DPP6: variants seen among roughly 807,000 people sequenced by gnomAD.
The protein encoded by DPP6 is A-type potassium channel modulatory protein DPP6.
A neutral mutation model predicts 122.6 loss-of-function variants in DPP6; 69 were observed. The observed-to-expected ratio is 0.56, with a 90% CI of 0.46 to 0.69. DPP6 has a LOEUF of 0.69. Among genes scored for constraint, DPP6 ranks in the 30% least tolerant of loss-of-function variants. DPP6 has a pLI of 0.00. For missense variants in DPP6, 928 were observed against 1,116.9 expected (o/e 0.83, Z 2.41); for synonymous variants, 418 against 433.1 (o/e 0.97, Z 0.43).
At chr7:154,365,957 CAA>C (rs35516153) in intron 1 of DPP6, among the ~76,000 whole-genome samples, 9 of 75,918 alleles carry the variant, frequency 1.2e-4, no homozygotes, top group East Asian at 4.3e-4. Context: ...GACTCCGTCT[CAA>C]AAAAAAAAAA....
At chr7:154,179,301 G>A (rs1797961582) in intron 1 of DPP6, among the ~76,000 whole-genome samples, 1 of 152,174 alleles carries the variant, frequency 6.6e-6, no homozygotes, top group East Asian at 1.9e-4. Flanking sequence ...GCTACATGCA[G>A]AACAAAGGAC....
chr7:153,966,753 C>A lies in DPP6; in HGVS notation c.51+79019C>A, dbSNP rs544250887. Among the ~76,000 whole-genome samples, 3 of 151,716 alleles carry A rather than the reference C, an allele frequency of 2.0e-5. No individual in the cohort carries two copies. In the East Asian group the frequency reaches 5.8e-4, roughly 30 times the overall value. ...AGAAGTATGGAACAAAATGACAAGCCTCATTTACCTTAAAATAAGAAATCT... is the reference window on the plus strand; with the variant it reads ...AGAAGTATGGAACAAAATGACAAGCATCATTTACCTTAAAATAAGAAATCT... On this transcript the variant is annotated intron_variant, in intron 1 of 25. Transcript: ENST00000404039.
intron 1 of DPP6, among the ~76,000 whole-genome samples, chr7:154,318,100 A>C (rs1019011802): frequency 6.6e-6 from 1 of 152,212 alleles, no homozygotes; most frequent in East Asian, 1.9e-4. Context: ...GAGAATTCCT[A>C]ATTACACTGG....
intron 7 of DPP6, among the ~76,000 whole-genome samples, chr7:154,689,228 C>A (rs1300333858): frequency 6.6e-6 from 1 of 152,172 alleles, no homozygotes; most frequent in Non-Finnish European, 1.5e-5. Flanking sequence ...GCTGTAGATT[C>A]ATTTGGGAAT....
chr7:154,216,691 G>A (rs62484082), intron 1 of DPP6, among the ~76,000 whole-genome samples: 9,845 of 152,102 alleles, frequency 0.065, 629 homozygotes, highest in African/African-American at 0.16. Flanking sequence ...AGCTCCCCAG[G>A]CACTGAGTCC....
intron 4 of DPP6, among the ~76,000 whole-genome samples, chr7:154,561,573 A>AAT (rs1451392052): frequency 6.6e-6 from 1 of 152,242 alleles, no homozygotes. Context: ...TACGGTATGC[A>AAT]ACAAAGCAAT....
chr7:153,867,563 G>A, the DPP6 span, among the ~76,000 whole-genome samples: 3 of 152,164 alleles, frequency 2.0e-5, no homozygotes, highest in Non-Finnish European at 4.4e-5. Flanking sequence ...GAGACAATGG[G>A]GTTTTCTAGA....
Position 154,493,683 on chromosome 7 carries a change from T to G in DPP6, c.457+18646T>G, listed in dbSNP as rs192987665. Among the ~76,000 whole-genome samples the G allele has an allele frequency of 3.9e-3, 593 of 152,360 alleles. 3 individuals are homozygous for G. Among genetic ancestry groups the G allele is most frequent in the African/African-American group, 0.013 (557 of 41,590 alleles). ...AATGCCTGTAATCATTCATTTATATTGTTGCCTTGTTATTTGGCTTTCGTG... is the reference window on the plus strand; with the variant it reads ...AATGCCTGTAATCATTCATTTATATGGTTGCCTTGTTATTTGGCTTTCGTG... On this transcript the variant is annotated intron_variant, in intron 3 of 25. Transcript: ENST00000377770.
At chr7:154,200,901 T>C (rs1466222302) in intron 1 of DPP6, among the ~76,000 whole-genome samples, 1 of 152,116 alleles carries the variant, frequency 6.6e-6, no homozygotes, top group Non-Finnish European at 1.5e-5. Context: ...TGGTCCTCAA[T>C]ATAAGATTAG....
chr7:153,802,374 A>G, the DPP6 span, among the ~76,000 whole-genome samples: 11 of 152,182 alleles, frequency 7.2e-5, no homozygotes, highest in Non-Finnish European at 1.5e-4. Context: ...CTTGAGCTTT[A>G]TTTAAGGGGC....
At chr7:154,739,421 G>A (rs764997827) in intron 8 of DPP6, among the ~76,000 whole-genome samples, 27 of 152,156 alleles carry the variant, frequency 1.8e-4, no homozygotes, top group Non-Finnish European at 7.4e-5. Flanking sequence ...CTGAGGGGAC[G>A]CCAGGGGTCC....
intron 6 of DPP6, among the ~76,000 whole-genome samples, chr7:154,655,429 T>TG (rs1020518322): frequency 6.6e-6 from 1 of 151,826 alleles, no homozygotes. Context: ...CCTTCATCAT[T>TG]TTTTTTTAAC....
Position 154,403,195 on chromosome 7 carries a change from C to T in DPP6, c.244-43019C>T, listed in dbSNP as rs533068993. Among the ~76,000 whole-genome samples, 1 of 152,282 alleles carries T rather than the reference C, an allele frequency of 6.6e-6. No homozygotes were observed. The highest frequency in any genetic ancestry group is 2.4e-5 in the African/African-American group (1 of 41,560). ...CGTTAGTTCCCTGGACTCAGCAGGT[C>T]GCCACCGTGAGGCCCCAGCATTTGG... On this transcript the variant is annotated intron_variant, in intron 1 of 25. Transcript: ENST00000377770. This position sits in a 1 kb window ranked among gnomAD's most constrained non-coding sequence, Gnocchi z 4.1.
intron 1 of DPP6, among the ~76,000 whole-genome samples, chr7:154,152,920 T>TA: frequency 6.6e-6 from 1 of 152,354 alleles, no homozygotes; most frequent in South Asian, 2.1e-4. Flanking sequence ...AACTCCCTGT[T>TA]ACGTACATAA....
chr7:153,955,239 C>G (rs753057696), intron 1 of DPP6, among the ~76,000 whole-genome samples: 2 of 152,016 alleles, frequency 1.3e-5, no homozygotes, highest in Non-Finnish European at 2.9e-5. Context: ...GACCACTGTT[C>G]TTTATTGTGT....
intron 1 of DPP6, among the ~76,000 whole-genome samples, chr7:154,372,383 C>A (rs1237977640): frequency 6.6e-6 from 1 of 152,142 alleles, no homozygotes; most frequent in Non-Finnish European, 1.5e-5. Context: ...ATCTGGTCAG[C>A]ACTCACCGCT....
At chr7:153,932,968 C>T (rs572883805) in intron 1 of DPP6, among the ~76,000 whole-genome samples, 1 of 152,136 alleles carries the variant, frequency 6.6e-6, no homozygotes, top group Non-Finnish European at 1.5e-5. Context: ...ATAAGTCTCG[C>T]AAGATCTGAT....
chr7:154,402,115 T>C (rs1815667051), intron 1 of DPP6, among the ~76,000 whole-genome samples: 1 of 150,622 alleles, frequency 6.6e-6, no homozygotes, highest in African/African-American at 2.4e-5. Context: ...CTGGAGAGGA[T>C]GTGGAGAAAT....
chr7:154,664,697 T>A (rs560948127), intron 6 of DPP6, among the ~76,000 whole-genome samples: 5 of 151,856 alleles, frequency 3.3e-5, no homozygotes, highest in African/African-American at 1.2e-4. Context: ...GATCACAGTA[T>A]GTTGGGAGGG....
Sources: gnomAD v4.1 joint callset for allele counts (sites outside exome capture counted in the v4.1 genomes callset) on GRCh38, gnomAD v4.1.1 for gene constraint, Gnocchi (gnomAD v3.1) non-coding constraint, MANE v1.5 for transcripts, NCBI Gene and HGNC (gene_info 2026-07-23, HGNC 2026-07-21) for gene names.